MACF1: variants seen among roughly 807,000 people sequenced by gnomAD.
MACF1 encodes the protein microtubule actin crosslinking factor 1, also known as microtubule-actin cross-linking factor 1.
Under a neutral mutation model 854.8 loss-of-function variants are expected in MACF1, and 193 were observed. That is an observed-to-expected ratio of 0.23 (90% CI 0.20 to 0.25). The LOEUF is 0.25. MACF1 is among the 10% of genes least tolerant of loss of function. The pLI, the probability that MACF1 is intolerant of heterozygous loss-of-function variation, is 1.00. For missense variants in MACF1, 7,722 were observed against 8,929.1 expected (o/e 0.86, Z 5.45); for synonymous variants, 3,185 against 3,226.7 (o/e 0.99, Z 0.44).
chr1:39,216,420 A>C (rs895905861), intron 1 of MACF1, among the ~76,000 whole-genome samples: 2 of 152,088 alleles, frequency 1.3e-5, no homozygotes, highest in African/African-American at 4.8e-5. Context: ...CTATCTTTTG[A>C]TTTTATACTT....
chr1:39,227,155 C>T (rs916667082), intron 1 of MACF1, among the ~76,000 whole-genome samples: 1 of 152,186 alleles, frequency 6.6e-6, no homozygotes, highest in Non-Finnish European at 1.5e-5. Context: ...CTCAAGTGAT[C>T]CTTCTGCCTC....
chr1:39,360,319 A>G (rs1488051474), intron 47 of MACF1, among the ~76,000 whole-genome samples: 1 of 151,754 alleles, frequency 6.6e-6, no homozygotes, highest in Non-Finnish European at 1.5e-5. Context: ...GATTTTTATC[A>G]TTAATTGTGA....
rs1162048233 is a variant in MACF1, at chr1:39,441,337, G to A, written c.18672+12G>A. The A allele has an allele frequency of 1.2e-6, 2 of 1,602,832 alleles. No individual in the cohort carries two copies. Among genetic ancestry groups the A allele is most frequent in the Admixed American group, 3.4e-5 (2 of 59,388 alleles). ...AGGACACTCTTCAGGTGAGAGGCCAGGAGGTGACCACCAAGGAAATACAGG... is the reference window on the plus strand; with the variant it reads ...AGGACACTCTTCAGGTGAGAGGCCAAGAGGTGACCACCAAGGAAATACAGG... On this transcript the variant is annotated intron_variant, in intron 74 of 100. Coordinates refer to ENST00000564288, the MANE Select transcript of MACF1 (RefSeq NM_001394062.1).
At chr1:39,372,382 C>A in intron 51 of MACF1, 97 bp from the exon 52 acceptor site, 1 of 666,422 alleles carries the variant, frequency 1.5e-6, no homozygotes, top group South Asian at 1.9e-5. Flanking sequence ...TCTCTTAATG[C>A]TTTTCAAAAC....
In MACF1 at chr1:39,333,023, G is replaced by C. The variant is rs747252257; in HGVS notation, c.6435G>C (p.Val2145=). The C allele has an allele frequency of 6.8e-6, 11 of 1,614,036 alleles. No homozygotes were observed. Among genetic ancestry groups the C allele is most frequent in the Non-Finnish European group, 9.3e-6 (11 of 1,180,018 alleles). ...PPAEAEGVPL[V]VDKDVFSVET... The stretch of plus-strand genomic sequence containing the variant: ...CTGAGGCGGAAGGTGTGCCGTTGGT[G>C]GTTGACAAAGATGTTTTTTCTGTTG... The change falls in exon 37 of 101, where the codon GTG becomes GTC. Residue 2145 remains valine, a synonymous_variant. Coordinates refer to ENST00000564288, the MANE Select transcript of MACF1 (RefSeq NM_001394062.1).
intron 2 of MACF1, 34 bp downstream of exon 2, chr1:39,231,277 C>T (rs756398385): frequency 8.9e-6 from 14 of 1,565,528 alleles, no homozygotes; most frequent in South Asian, 7.8e-5. Context: ...TGCCCCAGCA[C>T]CTCTCACTGC....
rs1378253192 is a variant in MACF1, at chr1:39,331,658, G to C, written c.5070G>C (p.Glu1690Asp). Residue 1690 changes from glutamate to aspartate, a missense_variant, in exon 37 of 101, where the codon GAG becomes GAC. Transcript: ENST00000564288. ...CTGCATGGCTTCATTCAGTATTAGA[G>C]TCTTATCTTAGAACATCCAAGAATT... ...LISAWLHSVL[E>D]SYLRTSKNLI... is the part of the protein sequence containing the mutation. 4 of 1,613,982 alleles carry C rather than the reference G, an allele frequency of 2.5e-6. No individual in the cohort carries two copies. The African/African-American group carries it at 4.0e-5, about 16-fold the overall frequency.
At chr1:39,382,360 A>G (rs1650300690) in intron 56 of MACF1, among the ~76,000 whole-genome samples, 1 of 152,152 alleles carries the variant, frequency 6.6e-6, no homozygotes, top group South Asian at 2.1e-4. Context: ...AGAGACAGTA[A>G]GATGAGTAGA....
intron 58 of MACF1, chr1:39,412,468 G>A (rs1643059394): frequency 1.2e-6 from 2 of 1,614,052 alleles, no homozygotes; most frequent in Non-Finnish European, 1.7e-6. Context: ...GGAGGATCAA[G>A]CTCCAGCACA....
rs142070940 is a variant in MACF1, at chr1:39,408,281, T to C, written c.15817-14093T>C. 2.3e-3 allele frequency among the ~76,000 whole-genome samples: 351 copies of C among 152,298 alleles called. 3 individuals are homozygous for C. Among genetic ancestry groups the C allele is most frequent in the African/African-American group, 8.0e-3 (333 of 41,558 alleles). ...TGGGAGAATTGACCAGGACTTGATATACTTGAGAAGGGGGAGAGGGAAGGT... is the reference window on the plus strand; with the variant it reads ...TGGGAGAATTGACCAGGACTTGATACACTTGAGAAGGGGGAGAGGGAAGGT... On this transcript the variant is annotated intron_variant, in intron 58 of 100. Coordinates refer to ENST00000564288, the MANE Select transcript of MACF1 (RefSeq NM_001394062.1).
rs1368815343 is a variant in MACF1, at chr1:39,177,953, G to T, written c.221-53229G>T. On this transcript the variant is annotated intron_variant, in intron 2 of 93. Transcript: ENST00000361689. ...TAAAATGGCAATTTCCAGGAATCTG[G>T]GTGGTAGTTATTTCAATCAAGTTGA... is the stretch of plus-strand genomic sequence containing the variant. 3.3e-5 allele frequency among the ~76,000 whole-genome samples: 5 copies of T among 151,962 alleles called. No individual in the cohort carries two copies. In the East Asian group the frequency reaches 9.7e-4, roughly 29 times the overall value.
At chr1:39,128,430 C>T (rs10788925) in intron 2 of MACF1, among the ~76,000 whole-genome samples, 90,922 of 152,038 alleles carry the variant, frequency 0.6, 29,172 homozygotes, top group South Asian at 0.74. Flanking sequence ...GGGCCAGGCA[C>T]GGTGGCTCAC....
intron 14 of MACF1, among the ~76,000 whole-genome samples, chr1:39,286,403 A>G (rs1027133216): frequency 3.3e-5 from 5 of 151,918 alleles, no homozygotes; most frequent in African/African-American, 1.2e-4. Context: ...CATTCTTTTT[A>G]TAGGGGGGAA....
chr1:39,310,206 T>A, intron 24 of MACF1, 39 bp from the exon 25 acceptor site: 1 of 1,536,910 alleles, frequency 6.5e-7, no homozygotes, highest in Non-Finnish European at 8.8e-7. Flanking sequence ...GTGTTACATT[T>A]TTATTCTGTT....
At chr1:39,142,954 C>T (rs919589077) in intron 2 of MACF1, among the ~76,000 whole-genome samples, 4 of 152,154 alleles carry the variant, frequency 2.6e-5, no homozygotes, top group Non-Finnish European at 4.4e-5. Flanking sequence ...TTCCACAAGG[C>T]GCTGACCTAC....
Position 39,340,859 on chromosome 1 carries a change from C to T in MACF1, c.10487C>T (p.Ala3496Val). 6.2e-7 allele frequency: 1 copy of T among 1,613,980 alleles called. No homozygotes were observed. The highest frequency in any genetic ancestry group is 1.3e-5 in the African/African-American group (1 of 74,992). Residue 3496 changes from alanine (A) to valine (V), a missense_variant, in exon 40 of 101, where the codon GCC becomes GTC. Physicochemically the swap from Ala to Val is moderately conservative, Grantham distance 64. Around this residue, in one of 15 missense-constraint regions of MACF1, gnomAD observed 854 missense variants for 852.6 expected, o/e 1.00. Transcript: ENST00000564288. Reference protein sequence around the residue: ...QLEGRLQDLRAWVGNKNLILN... With the variant: ...QLEGRLQDLRVWVGNKNLILN... ...GAAGGCCGACTTCAAGATCTGAGAG[C>T]CTGGGTTGGCAATAAAAATCTTATT...
chr1:39,226,799 G>C (rs1644721847), intron 1 of MACF1, among the ~76,000 whole-genome samples: 1 of 151,858 alleles, frequency 6.6e-6, no homozygotes, highest in Non-Finnish European at 1.5e-5. Flanking sequence ...TCTGTGTGTT[G>C]TTTGACCTAT....
chr1:39,403,466 G>T (rs1642562988), intron 58 of MACF1, among the ~76,000 whole-genome samples: 1 of 151,994 alleles, frequency 6.6e-6, no homozygotes. Flanking sequence ...CCTTCACATG[G>T]GTCGTTTTTT....
At chr1:39,427,919 T>G in intron 62 of MACF1, 42 bp from the exon 63 acceptor site, 1 of 1,428,094 alleles carries the variant, frequency 7.0e-7, no homozygotes, top group Non-Finnish European at 9.6e-7. Context: ...ACTTTTCATT[T>G]ATTTTGTTTC....
Sources: allele counts gnomAD v4.1 joint callset (sites outside exome capture counted in the v4.1 genomes callset), GRCh38; gene constraint gnomAD v4.1.1; regional missense constraint gnomAD v4.1.1; transcripts MANE v1.5; gene names NCBI Gene and HGNC (gene_info 2026-07-23, HGNC 2026-07-21).